Variants in QKI observed in about 807,000 individuals in gnomAD.
QKI encodes KH domain-containing RNA-binding protein QKI.
A neutral mutation model predicts 39.0 loss-of-function variants in QKI; 10 were observed. The observed-to-expected ratio is 0.26, with a 90% CI of 0.16 to 0.43. The LOEUF (loss-of-function observed/expected upper bound fraction) is 0.43. Ranked by LOEUF, QKI falls within the 20% of genes least tolerant of loss-of-function variation. The pLI is 1.00. For synonymous variants in QKI, 204 were observed against 155.4 expected (o/e 1.31, Z -2.33); for missense variants, 218 against 428.0 (o/e 0.51, Z 4.33).
intron 4 of QKI, among the ~76,000 whole-genome samples, chr6:163,555,839 T>A (rs1184698740): frequency 6.6e-6 from 1 of 151,976 alleles, no homozygotes; most frequent in Non-Finnish European, 1.5e-5. Context: ...TAGTTTTTTT[T>A]TAAAAGTATA....
chr6:163,472,938 ACAG>A (rs1390114084), intron 2 of QKI, among the ~76,000 whole-genome samples: 3 of 152,182 alleles, frequency 2.0e-5, no homozygotes, highest in African/African-American at 2.4e-5. Context: ...TGGAAAAAGA[ACAG>A]CAGATTAAAC....
intron 3 of QKI, among the ~76,000 whole-genome samples, chr6:163,526,175 T>C (rs1043859802): frequency 1.3e-5 from 2 of 152,176 alleles, no homozygotes; most frequent in Non-Finnish European, 2.9e-5. Flanking sequence ...TCCTGTCTGG[T>C]AGGACCTGGA....
chr6:163,549,590 T>G (rs1782105130), intron 4 of QKI, among the ~76,000 whole-genome samples: 1 of 152,136 alleles, frequency 6.6e-6, no homozygotes, highest in Non-Finnish European at 1.5e-5. Context: ...CGCACACATG[T>G]AATCTCAGCT....
At chr6:163,431,181 G>C (rs1788800127) in intron 1 of QKI, among the ~76,000 whole-genome samples, 1 of 151,010 alleles carries the variant, frequency 6.6e-6, no homozygotes, top group Non-Finnish European at 1.5e-5. Flanking sequence ...AGTACCCCTT[G>C]GAAAAAAAAA....
At chr6:163,557,642 A>G (rs1015023781) in intron 4 of QKI, among the ~76,000 whole-genome samples, 1 of 152,186 alleles carries the variant, frequency 6.6e-6, no homozygotes, top group African/African-American at 2.4e-5. Context: ...ACAGTCAACA[A>G]TAATTTATCG....
chr6:163,534,206 A>G lies in QKI; in HGVS notation c.403-776A>G, dbSNP rs80112317. Among the ~76,000 whole-genome samples, 1,205 of 152,292 alleles carry G rather than the reference A, an allele frequency of 7.9e-3. 17 individuals carry two copies. The highest frequency in any genetic ancestry group is 0.027 in the African/African-American group (1,140 of 41,558). ...TTAACCAGGTTTTCAACATGGGGATATTTCTTACTAGAAGACATTAAGGAA... is the reference window on the plus strand; with the variant it reads ...TTAACCAGGTTTTCAACATGGGGATGTTTCTTACTAGAAGACATTAAGGAA... On this transcript the variant is annotated intron_variant, in intron 3 of 7. Transcript: ENST00000361752.
At chr6:163,566,651 C>A (rs1421445110) in intron 6 of QKI, 70 bp from the exon 7 acceptor site, 1 of 1,580,090 alleles carries the variant, frequency 6.3e-7, no homozygotes, top group Non-Finnish European at 8.6e-7. Context: ...TTTGATAAAC[C>A]TGCTGTTAAT....
At chr6:163,428,927 A>C (rs1464832634) in intron 1 of QKI, 1 of 152,152 alleles carries the variant, frequency 6.6e-6, no homozygotes, top group Non-Finnish European at 1.5e-5. Flanking sequence ...CCTGCTCCCC[A>C]GCCCCACTTT....
chr6:163,488,550 T>G (rs1210575541), intron 3 of QKI, among the ~76,000 whole-genome samples: 2 of 152,180 alleles, frequency 1.3e-5, no homozygotes, highest in African/African-American at 4.8e-5. Flanking sequence ...AAAATAATGA[T>G]TCATTTGCTT....
chr6:163,463,983 C>T lies in QKI; in HGVS notation c.285+8562C>T, dbSNP rs555741127. Among the ~76,000 whole-genome samples, 7 of 152,224 alleles carry T rather than the reference C, an allele frequency of 4.6e-5. No individual in the cohort carries two copies. In the South Asian group the frequency reaches 6.2e-4, roughly 14 times the overall value. ...CCTTCCCACCAAACATGCTCAGCTC[C>T]CCCTCATCCCACAATATTGAGCTGT... is the stretch of plus-strand genomic sequence containing the variant. On this transcript the variant is annotated intron_variant, in intron 2 of 7. Coordinates refer to ENST00000361752, the MANE Select transcript of QKI (RefSeq NM_006775.3).
Position 163,569,711 on chromosome 6 carries a change from T to G in QKI, c.1010-983T>G, listed in dbSNP as rs939781686. The G allele has an allele frequency of 1.0e-5, 10 of 993,994 alleles. No individual in the cohort carries two copies. The Admixed American group carries it at 2.4e-4, about 24-fold the overall frequency. The allele number at this position is 993,994 out of a possible 1,614,324, so 61.6% of individuals were successfully genotyped here. The stretch of plus-strand genomic sequence containing the variant: ...AAAGAAAATAGTATTTACAGGTGGC[T>G]TCTTTTAAAATATAAAAATATAAAG... On this transcript the variant is annotated intron_variant, in intron 7 of 7. Coordinates refer to ENST00000361752, the MANE Select transcript of QKI (RefSeq NM_006775.3).
At chr6:163,486,396 G>C (rs1777680784) in intron 3 of QKI, among the ~76,000 whole-genome samples, 1 of 152,132 alleles carries the variant, frequency 6.6e-6, no homozygotes, top group Admixed American at 6.6e-5. Flanking sequence ...GTGTTTTGTG[G>C]AACATGACTT....
intron 4 of QKI, 147 bp downstream of exon 4, chr6:163,535,272 C>G (rs1459350167): frequency 2.5e-6 from 2 of 799,276 alleles, no homozygotes; most frequent in Non-Finnish European, 3.6e-6. Context: ...ACTGATACTT[C>G]TAACATAATA....
intron 7 of QKI, chr6:163,569,200 C>T: frequency 1.0e-6 from 1 of 957,992 alleles, no homozygotes; most frequent in Non-Finnish European, 1.2e-6. Flanking sequence ...AATAAAATTC[C>T]ACTTTTAAGA....
At chr6:163,564,555 A>T (rs990242554) in intron 6 of QKI, 1 of 1,575,520 alleles carries the variant, frequency 6.3e-7, no homozygotes, top group Non-Finnish European at 8.6e-7. Flanking sequence ...AAATCACTGA[A>T]TTCAGAATCT....
intron 3 of QKI, among the ~76,000 whole-genome samples, chr6:163,491,468 A>AT (rs1207611725): frequency 4.7e-5 from 7 of 149,422 alleles, no homozygotes; most frequent in African/African-American, 1.2e-4. Flanking sequence ...TCACTCCCTC[A>AT]TTTTTTTTTA....
At chr6:163,434,960 AAAAT>A (rs780809462) in intron 1 of QKI, among the ~76,000 whole-genome samples, 14 of 152,182 alleles carry the variant, frequency 9.2e-5, no homozygotes, top group Non-Finnish European at 1.9e-4. Flanking sequence ...ATTAAACTGT[AAAAT>A]AAACCATTAA....
intron 4 of QKI, among the ~76,000 whole-genome samples, chr6:163,535,918 T>G (rs1368624893): frequency 6.6e-6 from 1 of 152,034 alleles, no homozygotes; most frequent in East Asian, 1.9e-4. Flanking sequence ...GGTGACAGAG[T>G]GAGACCCTGT....
At chr6:163,464,268 A>G (rs985716218) in intron 2 of QKI, among the ~76,000 whole-genome samples, 4 of 151,104 alleles carry the variant, frequency 2.6e-5, no homozygotes, top group Non-Finnish European at 4.4e-5. Context: ...CGCAGTAAAA[A>G]TTTCCTGGGA....
Sources: gnomAD v4.1 joint callset for allele counts (sites outside exome capture counted in the v4.1 genomes callset) on GRCh38, gnomAD v4.1.1 for gene constraint, MANE v1.5 for transcripts, NCBI Gene and HGNC (gene_info 2026-07-23, HGNC 2026-07-21) for gene names.